Variants in SMIM13 observed in about 807,000 individuals in gnomAD.
SMIM13 encodes the protein small integral membrane protein 13.
In SMIM13, 3 loss-of-function variants were observed where a neutral mutation model predicts 5.9. That is an observed-to-expected ratio of 0.51 (90% CI 0.23 to 1.31). The LOEUF is 1.31. SMIM13 is among the 40% of genes most tolerant of loss of function. The pLI, the probability that SMIM13 is intolerant of heterozygous loss-of-function variation, is 0.18. For missense variants in SMIM13, 85 were observed against 109.9 expected, an observed-to-expected ratio of 0.77 and a Z score of 1.01; for synonymous variants, 55 against 46.0, an observed-to-expected ratio of 1.19 and a Z score of -0.79.
intron 1 of SMIM13, among the ~76,000 whole-genome samples, chr6:11,124,278 T>C (rs72825138): frequency 0.071 from 10,884 of 152,280 alleles, 625 homozygotes; most frequent in Admixed American, 0.18. Context: ...TGGCTTATTT[T>C]ATTTAACATC....
At chr6:11,130,267 AAACAACAAC>A (rs55970005) in intron 1 of SMIM13, among the ~76,000 whole-genome samples, 2 of 145,666 alleles carry the variant, frequency 1.4e-5, no homozygotes, top group African/African-American at 5.0e-5. Context: ...AAAAAAAAAA[AAACAACAAC>A]AACAACAACA....
In SMIM13 at chr6:11,116,070, T is replaced by G. The variant is rs1758236163; in HGVS notation, c.77-18333T>G. On this transcript the variant is annotated intron_variant, in intron 1 of 1. Transcript: ENST00000416247. ...TCTCACTCTGTCACTCAGACTGGAG[T>G]ACAGTGGTGTGATCTCTGCCCACTG... 4.6e-5 allele frequency among the ~76,000 whole-genome samples: 6 copies of G among 131,346 alleles called. No homozygotes were observed. The South Asian group carries it at 1.5e-3, about 33-fold the overall frequency. The allele number at this position is 131,346 out of a possible 152,430, so 86.2% of individuals were successfully genotyped here.
chr6:11,117,309 G>A (rs1223841202), intron 1 of SMIM13, among the ~76,000 whole-genome samples: 100 of 146,324 alleles, frequency 6.8e-4, no homozygotes, highest in African/African-American at 2.2e-3. Context: ...GACTACAGGC[G>A]CCCGCCACTA....
At chr6:11,106,013 A>T (rs569987587) in intron 1 of SMIM13, among the ~76,000 whole-genome samples, 1 of 152,136 alleles carries the variant, frequency 6.6e-6, no homozygotes, top group South Asian at 2.1e-4. Flanking sequence ...TTTGTTGGGG[A>T]TGTGTTTGAG....
chr6:11,104,658 A>G (rs201156872), intron 1 of SMIM13: 2 of 1,614,084 alleles, frequency 1.2e-6, no homozygotes, highest in Admixed American at 3.3e-5. Context: ...GAGGTTGGAA[A>G]TTTGCAGACA....
At chr6:11,104,312 G>C (rs1374268013) in intron 1 of SMIM13, 1 of 1,551,726 alleles carries the variant, frequency 6.4e-7, no homozygotes, top group East Asian at 2.4e-5. Flanking sequence ...TTGGAAGAGA[G>C]AGATTGCCAG....
chr6:11,101,742 CTTTT>C (rs70991083), intron 1 of SMIM13, among the ~76,000 whole-genome samples: 2 of 139,242 alleles, frequency 1.4e-5, no homozygotes, highest in Admixed American at 7.2e-5. Flanking sequence ...TTAAGCAATT[CTTTT>C]TTTTTTTTTT....
intron 1 of SMIM13, among the ~76,000 whole-genome samples, chr6:11,130,253 T>TAAAA (rs35012412): frequency 1.2e-3 from 175 of 140,126 alleles, no homozygotes; most frequent in Admixed American, 2.7e-3. Flanking sequence ...GTAGTCATTG[T>TAAAA]AAAAAAAAAA....
intron 1 of SMIM13, among the ~76,000 whole-genome samples, chr6:11,100,650 A>AT (rs988942803): frequency 2.6e-5 from 4 of 151,774 alleles, no homozygotes; most frequent in Non-Finnish European, 5.9e-5. Context: ...TGCATGAAAA[A>AT]TTTTTTTTTG....
intron 1 of SMIM13, among the ~76,000 whole-genome samples, chr6:11,123,669 T>C (rs892457680): frequency 6.6e-6 from 1 of 152,212 alleles, no homozygotes; most frequent in Non-Finnish European, 1.5e-5. Context: ...AAAAGTTAGC[T>C]GTTATTATTT....
intron 1 of SMIM13, 115 bp from the exon 2 acceptor site, chr6:11,134,288 A>G: frequency 1.6e-6 from 1 of 643,002 alleles, no homozygotes; most frequent in Non-Finnish European, 2.6e-6. Context: ...ATATATTTGT[A>G]ATTATGTATA....
Position 11,134,906 on chromosome 6 carries a change from ATTTTG to A in SMIM13, c.*307_*311del, listed in dbSNP as rs1758499883. 1.0e-5 allele frequency: 2 copies of A among 194,882 alleles called. No homozygotes were observed. The highest frequency in any genetic ancestry group is 4.7e-5 in the African/African-American group (2 of 42,980). 12.1% of individuals were successfully genotyped at this position (194,882 alleles called of 1,614,324 possible). On this transcript the variant is annotated 3_prime_UTR_variant, in exon 2 of 2. Coordinates refer to ENST00000416247, the MANE Select transcript of SMIM13 (RefSeq NM_001135575.2). ...AAACATTAAAGGCTTGAAAAACCAT[ATTTTG>A]TTAGCCCTAAAATGTACATTTTTCT...
chr6:11,096,709 CTTTTTTT>C (rs1757928527), intron 1 of SMIM13, among the ~76,000 whole-genome samples: 1 of 148,760 alleles, frequency 6.7e-6, no homozygotes, highest in African/African-American at 2.5e-5. Flanking sequence ...TTTCTTTTTT[CTTTTTTT>C]GAGTTGGAGT....
At chr6:11,119,133 G>A (rs1219378542) in intron 1 of SMIM13, among the ~76,000 whole-genome samples, 1 of 152,190 alleles carries the variant, frequency 6.6e-6, no homozygotes, top group Non-Finnish European at 1.5e-5. Context: ...ATAAGATAAA[G>A]TGGGAACAAA....
Position 11,094,355 on chromosome 6 carries a change from C to T in SMIM13, c.42C>T (p.Ala14=). 2 of 1,537,424 alleles carry T rather than the reference C, an allele frequency of 1.3e-6. No individual in the cohort carries two copies. Among genetic ancestry groups the T allele is most frequent in the Non-Finnish European group, 1.7e-6 (2 of 1,143,842 alleles). ...SVGLTLLVFV[A]TLLIVLLLMV... is the part of the protein sequence containing the mutation. Reference sequence around the variant, plus strand: ...GGCTGACTCTGCTTGTGTTCGTGGCCACGCTGCTGATCGTCCTGCTGCTGA... The same window carrying T: ...GGCTGACTCTGCTTGTGTTCGTGGCTACGCTGCTGATCGTCCTGCTGCTGA... The change falls in exon 1 of 2, where the codon GCC becomes GCT. Residue 14 remains alanine, a synonymous_variant. Coordinates refer to ENST00000416247, the MANE Select transcript of SMIM13 (RefSeq NM_001135575.2).
In SMIM13 at chr6:11,126,659, T is replaced by G. The variant is rs911190570; in HGVS notation, c.77-7744T>G. ...GTAGTTCATTTGGTGAGGTCGTGTT[T>G]TCCTGGATGGTCTTGATACTTCTGG... On this transcript the variant is annotated intron_variant, in intron 1 of 1. Transcript: ENST00000416247. 4.5e-4 allele frequency among the ~76,000 whole-genome samples: 68 copies of G among 152,090 alleles called. 1 individual carries two copies. Among genetic ancestry groups the G allele is most frequent in the Admixed American group, 3.1e-3 (47 of 15,274 alleles).
intron 1 of SMIM13, chr6:11,105,260 G>A: frequency 6.2e-7 from 1 of 1,614,122 alleles, no homozygotes; most frequent in Non-Finnish European, 8.5e-7. Flanking sequence ...CAGGATGGCG[G>A]TAGGCTGCTA....
intron 1 of SMIM13, among the ~76,000 whole-genome samples, chr6:11,097,945 G>A (rs1449437630): frequency 1.3e-5 from 2 of 151,528 alleles, no homozygotes; most frequent in East Asian, 1.9e-4. Flanking sequence ...CTCCCTGCTC[G>A]CCGCCCCCCC....
chr6:11,109,701 T>TAG (rs1758140382), intron 1 of SMIM13, among the ~76,000 whole-genome samples: 1 of 152,208 alleles, frequency 6.6e-6, no homozygotes, highest in African/African-American at 2.4e-5. Flanking sequence ...TTCCTGGTCC[T>TAG]AGAGCTTTTA....
Sources: gnomAD v4.1 joint callset for allele counts (sites outside exome capture counted in the v4.1 genomes callset) on GRCh38, gnomAD v4.1.1 for gene constraint, MANE v1.5 for transcripts, NCBI Gene and HGNC (gene_info 2026-07-23, HGNC 2026-07-21) for gene names.